FNDC7: variants seen among roughly 807,000 people sequenced by gnomAD.
The protein encoded by FNDC7 is fibronectin type III domain-containing protein 7.
FNDC7 carries 66 observed loss-of-function variants against 74.2 expected under a neutral mutation model. The observed-to-expected ratio is 0.89, with a 90% CI of 0.73 to 1.09. The LOEUF is 1.09. Among genes scored for constraint, FNDC7 ranks in the 50% least tolerant of loss-of-function variants. The pLI is 0.00. For missense variants in FNDC7, 829 were observed against 893.4 expected (o/e 0.93, Z 0.92); for synonymous variants, 307 against 330.2 (o/e 0.93, Z 0.76).
intron 8 of FNDC7, 27 bp downstream of exon 8, chr1:108,728,913 T>C (rs1206243041): frequency 1.2e-6 from 2 of 1,607,162 alleles, no homozygotes; most frequent in Admixed American, 1.7e-5. Context: ...AGCCTGAATG[T>C]TGACTTCAGT....
chr1:108,741,685 A>G, intron 11 of FNDC7, 88 bp from the exon 12 acceptor site: 1 of 1,330,370 alleles, frequency 7.5e-7, no homozygotes, highest in Non-Finnish European at 1.1e-6. Context: ...ATCAACATAC[A>G]CATAAAATCT....
chr1:108,724,215 A>T (rs891012472), intron 5 of FNDC7, among the ~76,000 whole-genome samples: 1 of 152,196 alleles, frequency 6.6e-6, no homozygotes, highest in Non-Finnish European at 1.5e-5. Flanking sequence ...TAACACAGAG[A>T]AACAGTCAAT....
At chr1:108,729,960 G>T (rs1661305853) in intron 8 of FNDC7, among the ~76,000 whole-genome samples, 2 of 152,172 alleles carry the variant, frequency 1.3e-5, no homozygotes, top group African/African-American at 2.4e-5. Context: ...AAGAAATCAA[G>T]CTTTTATATC....
intron 5 of FNDC7, 122 bp from the exon 6 acceptor site, chr1:108,725,628 A>C: frequency 9.1e-7 from 1 of 1,098,798 alleles, no homozygotes; most frequent in East Asian, 2.5e-5. Flanking sequence ...TTGTGCACCA[A>C]ATTCAATCTG....
chr1:108,734,796 A>G (rs777606879), intron 10 of FNDC7: 6 of 152,344 alleles, frequency 3.9e-5, no homozygotes, highest in East Asian at 1.9e-4. Flanking sequence ...CTACAGCTCA[A>G]TAACAATACT....
chr1:108,730,904 T>C lies in FNDC7; in HGVS notation c.1855T>C (p.Cys619Arg). Reference protein sequence around the residue: ...AISATGLTADCSYQSYFSGAC... With the variant: ...AISATGLTADRSYQSYFSGAC... ...TAGTGCCACCGGGTTGACTGCAGAT[T>C]GCTCCTACCAAAGTTATTTCTCTGG... Residue 619 changes from cysteine (C) to arginine (R), a missense_variant, in exon 9 of 13, where the codon TGC becomes CGC. Physicochemically the swap from Cys to Arg is radical, Grantham distance 180 (BLOSUM62 -3). Transcript: ENST00000370017. 1 of 1,612,568 alleles carries C rather than the reference T, an allele frequency of 6.2e-7. No individual in the cohort carries two copies. The highest frequency in any genetic ancestry group is 8.5e-7 in the Non-Finnish European group (1 of 1,179,158).
Position 108,717,944 on chromosome 1 carries a change from A to C in FNDC7, c.250A>C (p.Lys84Gln). 1 of 1,551,708 alleles carries C rather than the reference A, an allele frequency of 6.4e-7. No individual in the cohort carries two copies. Among genetic ancestry groups the C allele is most frequent in the South Asian group, 1.2e-5 (1 of 84,066 alleles). Residue 84 changes from lysine to glutamine, a missense_variant, in exon 3 of 13, where the codon AAG becomes CAG. By Grantham distance (53) the Lys-to-Gln change is moderately conservative. Transcript: ENST00000370017. The stretch of plus-strand genomic sequence containing the variant: ...TTCCCCAGGCACTGTGACGGGACTA[A>C]AGGCTGCAACCTGGTATGAAATCAC... The part of the protein sequence containing the change: ...ANSPGTVTGL[K>Q]AATWYEITIR...
chr1:108,733,453 G>A lies in FNDC7; in HGVS notation c.2061G>A (p.Gly687=). 6.2e-7 allele frequency: 1 copy of A among 1,614,024 alleles called. No homozygotes were observed. Among genetic ancestry groups the A allele is most frequent in the Non-Finnish European group, 8.5e-7 (1 of 1,180,006 alleles). ...SFCDVTEIPC[G]DVYTVMVSPV... The stretch of plus-strand genomic sequence containing the variant: ...GTGATGTCACTGAGATACCCTGTGG[G>A]GATGTATACACTGTGATGGTCTCAC... The change falls in exon 10 of 13, where the codon GGG becomes GGA. Residue 687 remains glycine, a synonymous_variant. Transcript: ENST00000370017.
In FNDC7 at chr1:108,728,708, T is replaced by C; in HGVS notation, c.1446T>C (p.Asn482=). ...SMINVHWRST[N]DDATYTVTAQ... The stretch of plus-strand genomic sequence containing the variant: ...TTAATGTGCACTGGCGATCCACTAA[T>C]GATGATGCTACTTACACGGTGACTG... Residue 482 remains asparagine, a synonymous_variant, in exon 8 of 13, where the codon AAT becomes AAC. Transcript: ENST00000370017. The C allele has an allele frequency of 1.2e-6, 2 of 1,614,276 alleles. No homozygotes were observed. The highest frequency in any genetic ancestry group is 1.7e-6 in the Non-Finnish European group (2 of 1,180,046).
Position 108,728,062 on chromosome 1 carries a change from A to G in FNDC7, c.1366A>G (p.Thr456Ala). Residue 456 changes from threonine (T) to alanine (A), a missense_variant, in exon 7 of 13, where the codon ACA (threonine) becomes GCA (alanine). Transcript: ENST00000370017. ...NMSCTPQFIT[T>A]APCSPEIKNV... ...GTCATGTACTCCCCAGTTCATAACC[A>G]CAGGTAAGGCACAGCTATCATTCCA... 6.2e-7 allele frequency: 1 copy of G among 1,612,942 alleles called. No homozygotes were observed. The highest frequency in any genetic ancestry group is 8.5e-7 in the Non-Finnish European group (1 of 1,179,282).
Position 108,722,554 on chromosome 1 carries a change from G to A in FNDC7, c.818G>A (p.Gly273Glu). ...TCAGTTTTAGCAAGTAATGATGCTG[G>A]ATCTAGCAAATCATCTTCAGCAATG... ...LISVLASNDA[G>E]SSKSSSAMTL... Residue 273 changes from glycine (G) to glutamate (E), a missense_variant, in exon 5 of 13, where the codon GGA becomes GAA. Gly to Glu is a moderately conservative substitution (Grantham distance 98). Coordinates refer to ENST00000370017, the MANE Select transcript of FNDC7 (RefSeq NM_001144937.3). 1 of 1,614,076 alleles carries A rather than the reference G, an allele frequency of 6.2e-7. No homozygotes were observed. The highest frequency in any genetic ancestry group is 8.5e-7 in the Non-Finnish European group (1 of 1,179,962).
At chr1:108,716,613 G>T (rs1408175409) in intron 2 of FNDC7, among the ~76,000 whole-genome samples, 1 of 152,062 alleles carries the variant, frequency 6.6e-6, no homozygotes, top group East Asian at 1.9e-4. Flanking sequence ...TTGCAGCATG[G>T]TTATTTCTGA....
chr1:108,715,781 T>C (rs1660959614), intron 2 of FNDC7, among the ~76,000 whole-genome samples: 1 of 152,174 alleles, frequency 6.6e-6, no homozygotes, highest in African/African-American at 2.4e-5. Context: ...TAAATCCTAA[T>C]ATGTAGGTAT....
At chr1:108,727,109 T>C (rs1661235915) in intron 6 of FNDC7, among the ~76,000 whole-genome samples, 1 of 152,146 alleles carries the variant, frequency 6.6e-6, no homozygotes. Flanking sequence ...GCAGATCACT[T>C]GAGGTCAGGA....
Position 108,718,803 on chromosome 1 carries a change from A to G in FNDC7, c.352A>G (p.Ile118Val), listed in dbSNP as rs1285102653. The change falls in exon 4 of 13, where the codon ATT becomes GTT. Residue 118 changes from isoleucine to valine, a missense_variant. Coordinates refer to ENST00000370017, the MANE Select transcript of FNDC7 (RefSeq NM_001144937.3). Reference protein sequence around the residue: ...KQAKTVLAAPILEVSSPSSDS... With the variant: ...KQAKTVLAAPVLEVSSPSSDS... ...TATTTTTTTAGTGTTGGCTGCACCAATTCTAGAAGTAAGCTCTCCAAGTTC... is the reference window on the plus strand; with the variant it reads ...TATTTTTTTAGTGTTGGCTGCACCAGTTCTAGAAGTAAGCTCTCCAAGTTC... 12 of 1,551,652 alleles carry G rather than the reference A, an allele frequency of 7.7e-6. No homozygotes were observed. The African/African-American group carries it at 1.1e-4, about 14-fold the overall frequency.
At chr1:108,737,582 G>A (rs1452616155) in intron 11 of FNDC7, 58 bp downstream of exon 11, 3 of 1,391,282 alleles carry the variant, frequency 2.2e-6, no homozygotes, top group African/African-American at 1.5e-5. Flanking sequence ...CCATTTTGGG[G>A]TTAATGAAGT....
intron 4 of FNDC7, among the ~76,000 whole-genome samples, chr1:108,721,755 C>T (rs1032821675): frequency 2.0e-5 from 3 of 152,216 alleles, no homozygotes; most frequent in Admixed American, 2.0e-4. Context: ...ATGCATCACA[C>T]TTGACACCTT....
intron 4 of FNDC7, 138 bp from the exon 5 acceptor site, chr1:108,722,197 C>A: frequency 1.2e-6 from 1 of 854,516 alleles, no homozygotes; most frequent in Non-Finnish European, 1.7e-6. Context: ...CATCCTAAAT[C>A]CCAATTTTAT....
chr1:108,729,281 G>A (rs1283852170), intron 8 of FNDC7, among the ~76,000 whole-genome samples: 1 of 152,176 alleles, frequency 6.6e-6, no homozygotes, highest in Admixed American at 6.5e-5. Flanking sequence ...CCAGCATGGT[G>A]GCTCACGCCT....
Sources: allele counts gnomAD v4.1 joint callset (sites outside exome capture counted in the v4.1 genomes callset), GRCh38; gene constraint gnomAD v4.1.1; transcripts MANE v1.5; gene names NCBI Gene and HGNC (gene_info 2026-07-23, HGNC 2026-07-21).